Variants in STPG2 observed in about 807,000 individuals in gnomAD.
STPG2 encodes sperm-tail PG-rich repeat-containing protein 2.
STPG2 carries 56 observed loss-of-function variants against 54.2 expected under a neutral mutation model. The observed-to-expected ratio is 1.03, with a 90% CI of 0.83 to 1.29. The LOEUF (loss-of-function observed/expected upper bound fraction) is 1.29. Among genes scored for constraint, STPG2 ranks in the 50% most tolerant of loss-of-function variants. The probability of loss-of-function intolerance (pLI) is 0.00; values close to 1 mark genes in which losing one functional copy is unlikely to be tolerated. For synonymous variants in STPG2, 200 were observed against 181.8 expected (o/e 1.10, Z -0.81); for missense variants, 596 against 544.9 (o/e 1.09, Z -0.93).
intron 10 of STPG2, among the ~76,000 whole-genome samples, chr4:97,612,982 T>A (rs1421118297): frequency 6.6e-6 from 1 of 152,104 alleles, no homozygotes; most frequent in Non-Finnish European, 1.5e-5. Flanking sequence ...TATTTTTTAA[T>A]AACTTTAAAT....
At chr4:97,485,896 AC>A (rs1289009968) in intron 4 of STPG2, among the ~76,000 whole-genome samples, 1 of 151,818 alleles carries the variant, frequency 6.6e-6, no homozygotes, top group Non-Finnish European at 1.5e-5. Context: ...CCAAATACTT[AC>A]AGCCAACTTG....
At chr4:97,863,226 A>G (rs539229808) in intron 8 of STPG2, among the ~76,000 whole-genome samples, 1 of 152,116 alleles carries the variant, frequency 6.6e-6, no homozygotes, top group Non-Finnish European at 1.5e-5. Context: ...GAAAAGAGAG[A>G]AGAATCAAAC....
chr4:97,904,882 T>G (rs1009958878), intron 8 of STPG2, among the ~76,000 whole-genome samples: 1 of 151,872 alleles, frequency 6.6e-6, no homozygotes, highest in Non-Finnish European at 1.5e-5. Context: ...ATGAATGAAA[T>G]GAAGTGAGAA....
chr4:97,643,272 T>TA (rs1286040408), intron 10 of STPG2, among the ~76,000 whole-genome samples: 5 of 151,640 alleles, frequency 3.3e-5, no homozygotes, highest in Non-Finnish European at 7.4e-5. Context: ...CTCCATTTTC[T>TA]AACAGGCTAT....
intron 5 of STPG2, among the ~76,000 whole-genome samples, chr4:98,094,482 G>C (rs1354422832): frequency 6.6e-6 from 1 of 152,158 alleles, no homozygotes; most frequent in Admixed American, 6.5e-5. Flanking sequence ...GCAGAGTAAA[G>C]GGGACTTTGT....
At chr4:97,451,935 A>G (rs1184496736) in intron 4 of STPG2, among the ~76,000 whole-genome samples, 1 of 152,134 alleles carries the variant, frequency 6.6e-6, no homozygotes, top group East Asian at 1.9e-4. Context: ...GCCATCAGGT[A>G]TGCTGCACCA....
At chr4:98,082,356 C>T (rs1738371680) in intron 5 of STPG2, among the ~76,000 whole-genome samples, 1 of 149,396 alleles carries the variant, frequency 6.7e-6, no homozygotes, top group South Asian at 2.1e-4. Flanking sequence ...CCCAGAGCTG[C>T]AGCATTTCTT....
intron 9 of STPG2, among the ~76,000 whole-genome samples, chr4:97,728,921 A>C (rs1724705772): frequency 6.6e-6 from 1 of 151,620 alleles, no homozygotes; most frequent in Non-Finnish European, 1.5e-5. Context: ...GTGTGAGAGA[A>C]AGAGAGAGAG....
intron 9 of STPG2, among the ~76,000 whole-genome samples, chr4:97,803,796 C>A (rs1727469503): frequency 6.6e-6 from 1 of 152,192 alleles, no homozygotes; most frequent in South Asian, 2.1e-4. Context: ...CCGCCTAGGC[C>A]TCCCAAAGTG....
intron 10 of STPG2, among the ~76,000 whole-genome samples, chr4:97,594,592 A>C: frequency 6.6e-6 from 1 of 152,244 alleles, no homozygotes; most frequent in South Asian, 2.1e-4. Flanking sequence ...ATTGTTCATG[A>C]AAATTTCTCC....
intron 9 of STPG2, among the ~76,000 whole-genome samples, chr4:97,825,536 C>T (rs914055879): frequency 2.0e-5 from 3 of 152,046 alleles, no homozygotes; most frequent in Admixed American, 6.6e-5. Flanking sequence ...AAAAATGGGA[C>T]CCTTAAATTC....
chr4:98,018,162 TC>T (rs1226865922), intron 5 of STPG2, among the ~76,000 whole-genome samples: 1 of 151,826 alleles, frequency 6.6e-6, no homozygotes. Flanking sequence ...ATGCTATCCC[TC>T]CCCCCATCCC....
At chr4:97,977,064 A>T (rs1008382193) in intron 6 of STPG2, among the ~76,000 whole-genome samples, 7 of 152,182 alleles carry the variant, frequency 4.6e-5, no homozygotes, top group African/African-American at 1.4e-4. Flanking sequence ...TCCTCTGATT[A>T]TAGATTGACC....
At chr4:97,530,903 T>C (rs1475433373) in intron 4 of STPG2, among the ~76,000 whole-genome samples, 1 of 152,160 alleles carries the variant, frequency 6.6e-6, no homozygotes, top group African/African-American at 2.4e-5. Context: ...TAGCCAGTGC[T>C]CATACATGGA....
chr4:97,573,952 G>A (rs1322509748), intron 10 of STPG2, among the ~76,000 whole-genome samples: 1 of 151,916 alleles, frequency 6.6e-6, no homozygotes, highest in Non-Finnish European at 1.5e-5. Flanking sequence ...GGCTTTTCCT[G>A]GGCCTTGAAG....
At chr4:97,742,220 T>C (rs898521236) in intron 9 of STPG2, among the ~76,000 whole-genome samples, 1 of 151,214 alleles carries the variant, frequency 6.6e-6, no homozygotes, top group Non-Finnish European at 1.5e-5. Context: ...GTTGTGGGGT[T>C]GGGGGAGGAA....
chr4:97,528,268 A>AT (rs1271268412), intron 4 of STPG2, among the ~76,000 whole-genome samples: 1 of 152,056 alleles, frequency 6.6e-6, no homozygotes. Context: ...TCTTTTCCCC[A>AT]TTGCTTGTTT....
chr4:98,137,465 A>C (rs1335447846), intron 1 of STPG2, among the ~76,000 whole-genome samples: 1 of 151,768 alleles, frequency 6.6e-6, no homozygotes, highest in Non-Finnish European at 1.5e-5. Flanking sequence ...CACTGATGGC[A>C]GATCTATTTT....
chr4:97,532,162 CT>C (rs1731429039), intron 4 of STPG2, among the ~76,000 whole-genome samples: 1 of 151,968 alleles, frequency 6.6e-6, no homozygotes, highest in African/African-American at 2.4e-5. Flanking sequence ...GTTAAATAGA[CT>C]TTTATGTTAT....
Sources: allele counts gnomAD v4.1 joint callset (sites outside exome capture counted in the v4.1 genomes callset), GRCh38; gene constraint gnomAD v4.1.1; transcripts MANE v1.5; gene names NCBI Gene and HGNC (gene_info 2026-07-23, HGNC 2026-07-21).